Variants in FER1L6 observed in about 807,000 individuals in gnomAD.
FER1L6 encodes the protein fer-1-like protein 6.
FER1L6 carries 177 observed loss-of-function variants against 219.2 expected under a neutral mutation model. That is an observed-to-expected ratio of 0.81 (90% CI 0.71 to 0.91). The LOEUF is 0.91. Ranked by LOEUF, FER1L6 falls within the 40% of genes least tolerant of loss-of-function variation. The probability of loss-of-function intolerance (pLI) is 0.00; values close to 1 mark genes in which losing one functional copy is unlikely to be tolerated. For synonymous variants in FER1L6, 768 were observed against 824.3 expected (o/e 0.93, Z 1.17); for missense variants, 2,153 against 2,259.9 (o/e 0.95, Z 0.96).
chr8:123,980,876 G>A, intron 11 of FER1L6, 65 bp downstream of exon 11: 2 of 1,352,274 alleles, frequency 1.5e-6, no homozygotes, highest in Non-Finnish European at 2.0e-6. Context: ...GACTGCCCCT[G>A]CCACAGGTTC....
intron 12 of FER1L6, among the ~76,000 whole-genome samples, chr8:123,987,580 C>A (rs1044077730): frequency 2.2e-4 from 33 of 152,138 alleles, no homozygotes; most frequent in African/African-American, 7.5e-4. Context: ...TGGTGTATTA[C>A]TCAAGAAATC....
chr8:123,858,521 T>C (rs1816688356), intron 1 of FER1L6, among the ~76,000 whole-genome samples: 1 of 152,182 alleles, frequency 6.6e-6, no homozygotes, highest in Non-Finnish European at 1.5e-5. Context: ...CCTGGATTGA[T>C]GGGGACTGTG....
At chr8:123,997,404 G>T (rs984293915) in intron 12 of FER1L6, among the ~76,000 whole-genome samples, 2 of 152,110 alleles carry the variant, frequency 1.3e-5, no homozygotes, top group South Asian at 2.1e-4. Flanking sequence ...GAGCTTCTTT[G>T]TATGTTATTT....
At chr8:123,927,531 GA>G (rs1287115113) in intron 1 of FER1L6, among the ~76,000 whole-genome samples, 4 of 152,240 alleles carry the variant, frequency 2.6e-5, no homozygotes, top group African/African-American at 7.2e-5. Context: ...TGTTAAATTG[GA>G]ATTTTGGCTT....
At chr8:124,100,058 T>C (rs1309020172) in intron 37 of FER1L6, among the ~76,000 whole-genome samples, 1 of 152,066 alleles carries the variant, frequency 6.6e-6, no homozygotes, top group African/African-American at 2.4e-5. Flanking sequence ...ATTGGTTGAG[T>C]GAACACCATC....
In FER1L6 at chr8:123,909,427, G is replaced by C. The variant is rs140132254; in HGVS notation, c.-7-46565G>C. Reference sequence around the variant, plus strand: ...AAAACAGTTTCTAAAAGACCTCTCTGGTTGCCTATGGAGGAAGGGATGAAA... The same window carrying C: ...AAAACAGTTTCTAAAAGACCTCTCTCGTTGCCTATGGAGGAAGGGATGAAA... On this transcript the variant is annotated intron_variant, in intron 1 of 40. Coordinates refer to ENST00000522917, the MANE Select transcript of FER1L6 (RefSeq NM_001039112.2). 9.1e-3 allele frequency among the ~76,000 whole-genome samples: 1,379 copies of C among 152,286 alleles called. 11 individuals carry two copies. Among genetic ancestry groups the C allele is most frequent in the Admixed American group, 0.011 (165 of 15,294 alleles).
At chr8:123,998,373 ACTCTCTCTCTCTCTCTCTCT>A (rs746709688) in intron 12 of FER1L6, among the ~76,000 whole-genome samples, 30 of 32,478 alleles carry the variant, frequency 9.2e-4, no homozygotes, top group South Asian at 1.6e-3. Context: ...AAAGAGGGAA[ACTCTCTCTCTCTCTCTCTCT>A]CTCTCTCTCT....
chr8:123,865,285 G>T (rs1360986510), intron 1 of FER1L6, among the ~76,000 whole-genome samples: 5 of 150,044 alleles, frequency 3.3e-5, no homozygotes, highest in Admixed American at 3.3e-4. Context: ...CTCCCAGTTA[G>T]GCTGCTCAGG....
chr8:123,874,653 A>G (rs1195440595), intron 1 of FER1L6, among the ~76,000 whole-genome samples: 4 of 152,212 alleles, frequency 2.6e-5, no homozygotes, highest in Non-Finnish European at 5.9e-5. Flanking sequence ...AATGAATTAA[A>G]TGACTGGTAC....
Position 123,979,473 on chromosome 8 carries a change from A to C in FER1L6, c.1064-992A>C, listed in dbSNP as rs57149173. 2.6e-5 allele frequency among the ~76,000 whole-genome samples: 4 copies of C among 152,274 alleles called. No individual in the cohort carries two copies. In the East Asian group the frequency reaches 7.7e-4, roughly 29 times the overall value. ...CTGCCCAAGGTCACACAGCTTGAAC[A>C]TGACAGAGCTGAGATTTGAACTCAG... On this transcript the variant is annotated intron_variant, in intron 10 of 40. Coordinates refer to ENST00000522917, the MANE Select transcript of FER1L6 (RefSeq NM_001039112.2).
chr8:123,914,177 T>G (rs1229381032), intron 1 of FER1L6, among the ~76,000 whole-genome samples: 1 of 152,184 alleles, frequency 6.6e-6, no homozygotes, highest in Non-Finnish European at 1.5e-5. Context: ...TATTGGACAG[T>G]GTAGATAACA....
intron 1 of FER1L6, among the ~76,000 whole-genome samples, chr8:123,864,325 G>C (rs1816793621): frequency 6.7e-6 from 1 of 148,698 alleles, no homozygotes; most frequent in Non-Finnish European, 1.5e-5. Flanking sequence ...CTTCTGGCTT[G>C]TAGGGTTTCT....
chr8:123,856,785 C>A (rs988061017), intron 1 of FER1L6, among the ~76,000 whole-genome samples: 4 of 151,958 alleles, frequency 2.6e-5, no homozygotes, highest in African/African-American at 9.7e-5. Flanking sequence ...TCAAGTTATA[C>A]CCCATTCCCG....
At chr8:123,926,407 C>T (rs1372781124) in intron 1 of FER1L6, among the ~76,000 whole-genome samples, 2 of 152,228 alleles carry the variant, frequency 1.3e-5, no homozygotes, top group African/African-American at 4.8e-5. Context: ...GATTGTCTGG[C>T]TCCCGTGCAC....
chr8:123,917,399 G>A (rs1182052112), intron 1 of FER1L6, among the ~76,000 whole-genome samples: 1 of 152,224 alleles, frequency 6.6e-6, no homozygotes, highest in African/African-American at 2.4e-5. Context: ...TCAAAGAACA[G>A]GCTGGGACAT....
chr8:123,996,735 A>G (rs1817150559), intron 12 of FER1L6, among the ~76,000 whole-genome samples: 2 of 151,702 alleles, frequency 1.3e-5, no homozygotes, highest in South Asian at 4.2e-4. Context: ...ATTGAAGGCA[A>G]TTTTCTCTGG....
chr8:124,080,069 T>A (rs4460351), intron 32 of FER1L6, among the ~76,000 whole-genome samples: 1 of 152,064 alleles, frequency 6.6e-6, no homozygotes, highest in East Asian at 1.9e-4. Context: ...AGTAGACACA[T>A]AATAAATGCT....
intron 39 of FER1L6, among the ~76,000 whole-genome samples, chr8:124,108,356 A>G (rs1822864635): frequency 6.6e-6 from 1 of 152,082 alleles, no homozygotes; most frequent in African/African-American, 2.4e-5. Context: ...ACACCTCATG[A>G]GCTGTCGTAA....
At chr8:123,936,003 G>C (rs1813977579) in intron 1 of FER1L6, among the ~76,000 whole-genome samples, 1 of 151,906 alleles carries the variant, frequency 6.6e-6, no homozygotes, top group Non-Finnish European at 1.5e-5. Flanking sequence ...TCCTAGGGTT[G>C]GGAACTTCTA....
Sources: gnomAD v4.1 joint callset for allele counts (sites outside exome capture counted in the v4.1 genomes callset) on GRCh38, gnomAD v4.1.1 for gene constraint, MANE v1.5 for transcripts, NCBI Gene and HGNC (gene_info 2026-07-23, HGNC 2026-07-21) for gene names.